Variants in TMCO5A observed in about 807,000 individuals in gnomAD.
TMCO5A encodes the protein transmembrane and coiled-coil domains 5A.
A neutral mutation model predicts 42.3 loss-of-function variants in TMCO5A; 34 were observed. That is an observed-to-expected ratio of 0.80 (90% CI 0.61 to 1.07). The LOEUF (loss-of-function observed/expected upper bound fraction) is 1.07. Among genes scored for constraint, TMCO5A ranks in the 50% least tolerant of loss-of-function variants. TMCO5A has a pLI of 0.00. For synonymous variants in TMCO5A, 131 were observed against 115.6 expected (o/e 1.13, Z -0.86); for missense variants, 357 against 327.9 (o/e 1.09, Z -0.69).
intron 11 of TMCO5A, among the ~76,000 whole-genome samples, chr15:37,949,157 C>A (rs930514311): frequency 6.6e-6 from 1 of 151,772 alleles, no homozygotes; most frequent in Non-Finnish European, 1.5e-5. Context: ...AAAAAAAAAT[C>A]AAGACCACCA....
At chr15:38,039,400 A>T in the TMCO5A span, among the ~76,000 whole-genome samples, 1 of 152,206 alleles carries the variant, frequency 6.6e-6, no homozygotes, top group Non-Finnish European at 1.5e-5. Context: ...CATGGCCTCA[A>T]TTTCATGCAT....
the TMCO5A span, among the ~76,000 whole-genome samples, chr15:38,000,165 A>G: frequency 1.3e-5 from 2 of 152,158 alleles, no homozygotes; most frequent in Non-Finnish European, 2.9e-5. Flanking sequence ...TTTCTTTGCT[A>G]GAAGACTTTT....
chr15:37,941,807 T>C, intron 8 of TMCO5A, 77 bp downstream of exon 8: 1 of 1,282,786 alleles, frequency 7.8e-7, no homozygotes, highest in Non-Finnish European at 1.1e-6. Context: ...TTTCAAAGAC[T>C]ACTGTCCAGA....
chr15:38,002,297 T>C, the TMCO5A span, among the ~76,000 whole-genome samples: 1 of 152,056 alleles, frequency 6.6e-6, no homozygotes, highest in African/African-American at 2.4e-5. Flanking sequence ...TTATTAAATG[T>C]CTTGAGGTAG....
At chr15:37,967,758 A>G (rs557430924), downstream of TMCO5A, 4 of 152,298 alleles carry the variant, frequency 2.6e-5, no homozygotes, top group African/African-American at 9.6e-5. Flanking sequence ...TCCTTCTTGA[A>G]GTTATTCCTC....
intron 11 of TMCO5A, among the ~76,000 whole-genome samples, chr15:37,957,937 C>T (rs144404464): frequency 0.014 from 2,121 of 152,030 alleles, 41 homozygotes; most frequent in African/African-American, 0.048. Flanking sequence ...AATAATGCCA[C>T]ACATCTACAA....
At chr15:37,966,586 A>G (rs891450018) in intron 11 of TMCO5A, 4 of 702,772 alleles carry the variant, frequency 5.7e-6, no homozygotes, top group Non-Finnish European at 1.0e-5. Context: ...ACCTCAAAAC[A>G]ATGTCTTGGG....
the TMCO5A span, among the ~76,000 whole-genome samples, chr15:38,000,427 T>C: frequency 1.3e-5 from 2 of 152,034 alleles, no homozygotes; most frequent in African/African-American, 4.8e-5. Flanking sequence ...TTAATCTGGC[T>C]AAAAGTTTCT....
the TMCO5A span, among the ~76,000 whole-genome samples, chr15:38,016,681 T>C: frequency 1.3e-5 from 2 of 152,150 alleles, no homozygotes; most frequent in Non-Finnish European, 2.9e-5. Flanking sequence ...AGGTATATAA[T>C]AAGGCCTAAG....
the TMCO5A span, among the ~76,000 whole-genome samples, chr15:38,027,660 T>C: frequency 6.6e-6 from 1 of 152,082 alleles, no homozygotes; most frequent in Admixed American, 6.6e-5. Flanking sequence ...AATGATATGG[T>C]TTGGCTCTGT....
chr15:37,951,297 C>G lies in TMCO5A; in HGVS notation c.*63C>G, dbSNP rs552392369. ...GGGATCCGAGCCTGTAGAAGGGAGG[C>G]ATGAAACTTGTGGAGGAAAGAGATT... On this transcript the variant is annotated 3_prime_UTR_variant, in exon 12 of 12. Coordinates refer to ENST00000319669, the MANE Select transcript of TMCO5A (RefSeq NM_152453.4). 2.7e-6 allele frequency: 4 copies of G among 1,508,480 alleles called. No individual in the cohort carries two copies. The South Asian group carries it at 4.7e-5, about 18-fold the overall frequency. The allele number at this position is 1,508,480 out of a possible 1,614,324, so 93.4% of individuals were successfully genotyped here.
intron 10 of TMCO5A, among the ~76,000 whole-genome samples, chr15:37,945,579 A>T (rs1476658695): frequency 6.6e-6 from 1 of 152,120 alleles, no homozygotes; most frequent in Non-Finnish European, 1.5e-5. Context: ...TACTGGTGTC[A>T]GATGGTTTTT....
chr15:38,002,872 C>A, the TMCO5A span, among the ~76,000 whole-genome samples: 1 of 152,036 alleles, frequency 6.6e-6, no homozygotes, highest in Non-Finnish European at 1.5e-5. Flanking sequence ...TTATTTCATT[C>A]ATTTGGTGAA....
At chr15:37,978,866 G>A in the TMCO5A span, among the ~76,000 whole-genome samples, 1 of 152,080 alleles carries the variant, frequency 6.6e-6, no homozygotes, top group African/African-American at 2.4e-5. Context: ...GAGGCCTCAG[G>A]GAGCTTTGAC....
At position 37,961,228 on chromosome 15, in the gene TMCO5A, G is replaced by T. The variant is rs1161104564; in HGVS notation, c.669-5397G>T. 4.6e-5 allele frequency among the ~76,000 whole-genome samples: 7 copies of T among 152,228 alleles called. No individual in the cohort carries two copies. The South Asian group carries it at 1.5e-3, about 32-fold the overall frequency. ...GAGTTGATTTTTGTATAAGGCAAGA[G>T]ATGAGGATCCAGTTTCATTCTCCTA... On this transcript the variant is annotated intron_variant, in intron 11 of 11. Coordinates refer to the TMCO5A transcript ENST00000559502.
chr15:37,948,712 G>C (rs750376468), intron 11 of TMCO5A, among the ~76,000 whole-genome samples: 1 of 152,074 alleles, frequency 6.6e-6, no homozygotes, highest in African/African-American at 2.4e-5. Context: ...AACTATAAAT[G>C]TCTTTCCTCT....
At chr15:38,021,882 T>G in the TMCO5A span, among the ~76,000 whole-genome samples, 1 of 150,968 alleles carries the variant, frequency 6.6e-6, no homozygotes, top group Admixed American at 6.6e-5. Flanking sequence ...CGATCTCAGC[T>G]CACTGCAACC....
chr15:37,990,959 C>T, the TMCO5A span, among the ~76,000 whole-genome samples: 4 of 151,994 alleles, frequency 2.6e-5, no homozygotes, highest in East Asian at 1.9e-4. Flanking sequence ...CGTCTTTATA[C>T]GTTGTGTGTC....
At chr15:38,012,728 T>C in the TMCO5A span, among the ~76,000 whole-genome samples, 1 of 152,170 alleles carries the variant, frequency 6.6e-6, no homozygotes, top group East Asian at 1.9e-4. Context: ...GTGATGTTCA[T>C]GTGTGAGCTT....
Sources: gnomAD v4.1 joint callset for allele counts (sites outside exome capture counted in the v4.1 genomes callset) on GRCh38, gnomAD v4.1.1 for gene constraint, MANE v1.5 for transcripts, NCBI Gene and HGNC (gene_info 2026-07-23, HGNC 2026-07-21) for gene names.